Variants in PLCB3 observed in about 807,000 individuals in gnomAD.
PLCB3 encodes 1-phosphatidylinositol 4,5-bisphosphate phosphodiesterase beta-3.
PLCB3 carries 54 observed loss-of-function variants against 152.1 expected under a neutral mutation model. The observed-to-expected ratio is 0.36, with a 90% CI of 0.29 to 0.45. The LOEUF (loss-of-function observed/expected upper bound fraction) is 0.45, where lower values mean the gene tolerates loss of function less well. Ranked by LOEUF, PLCB3 falls within the 20% of genes least tolerant of loss-of-function variation. The pLI, the probability that PLCB3 is intolerant of heterozygous loss-of-function variation, is 1.00. For missense variants in PLCB3, 1,248 were observed against 1,687.5 expected (o/e 0.74, Z 4.56); for synonymous variants, 717 against 698.7 (o/e 1.03, Z -0.41).
chr11:64,261,532 C>T, intron 15 of PLCB3, 36 bp downstream of exon 15: 1 of 1,610,192 alleles, frequency 6.2e-7, no homozygotes, highest in Non-Finnish European at 8.5e-7. Context: ...GGGAGCTTGC[C>T]CAGCTCAGCC....
chr11:64,252,137 G>A (rs1345780067), intron 1 of PLCB3, among the ~76,000 whole-genome samples: 2 of 152,072 alleles, frequency 1.3e-5, no homozygotes, highest in Non-Finnish European at 2.9e-5. Flanking sequence ...AGGCTGGCTG[G>A]GGGCATCCTC....
At chr11:64,261,796 T>G in intron 16 of PLCB3, 131 bp downstream of exon 16, 1 of 1,424,840 alleles carries the variant, frequency 7.0e-7, no homozygotes, top group Non-Finnish European at 9.8e-7. Flanking sequence ...CACCCTGGCC[T>G]GGGGCTTGGG....
chr11:64,259,022 C>T, intron 12 of PLCB3, 36 bp from the exon 13 acceptor site: 3 of 1,612,582 alleles, frequency 1.9e-6, no homozygotes, highest in Non-Finnish European at 2.5e-6. Flanking sequence ...TGCTGCGGAC[C>T]CGGTCCAGGG....
At chr11:64,262,293 G>A in intron 17 of PLCB3, 114 bp from the exon 18 acceptor site, 1 of 1,390,086 alleles carries the variant, frequency 7.2e-7, no homozygotes, top group Non-Finnish European at 1.0e-6. Context: ...TGCCATTTGA[G>A]CCCGCCCCTG....
In PLCB3 at chr11:64,251,549, C is replaced by A. The variant is rs978761681; in HGVS notation, c.-101C>A. The A allele has an allele frequency of 5.8e-6, 2 of 344,598 alleles. No individual in the cohort carries two copies. The highest frequency in any genetic ancestry group is 2.2e-5 in the African/African-American group (1 of 45,240). The allele number at this position is 344,598 out of a possible 1,614,324, so 21.3% of individuals were successfully genotyped here. A position where few individuals can be genotyped will look rare whatever the true frequency, so the allele number is the denominator to read the frequency against. On this transcript the variant is annotated 5_prime_UTR_variant, in exon 1 of 31. Transcript: ENST00000279230. ...CGGGACAGACTGGCGGGCGGGCGGG[C>A]ACTGACGCCGCGGGGCCGGAGCGGG...
intron 10 of PLCB3, among the ~76,000 whole-genome samples, chr11:64,257,784 T>A (rs1257135128): frequency 6.6e-6 from 1 of 151,756 alleles, no homozygotes; most frequent in Non-Finnish European, 1.5e-5. Context: ...AAGAGGCTTT[T>A]TGGAGGGTGA....
Position 64,258,569 on chromosome 11 carries a change from C to T in PLCB3, c.1109C>T (p.Pro370Leu), listed in dbSNP as rs202112716. 1.0e-4 allele frequency: 164 copies of T among 1,613,996 alleles called. 1 individual carries two copies. In the South Asian group the frequency reaches 1.2e-3, roughly 12 times the overall value. Residue 370 changes from proline to leucine, a missense_variant, in exon 11 of 31, where the codon CCG becomes CTG. Physicochemically the swap from Pro to Leu is moderately conservative, Grantham distance 98. Around this residue, in one of 6 missense-constraint regions of PLCB3, gnomAD observed 122 missense variants for 221.8 expected, o/e 0.55. Transcript: ENST00000279230. The surrounding 1 kb of genome is among the most constrained non-coding windows in gnomAD (Gnocchi z 7.2). ...CVELDVWKGR[P>L]PEEEPFITHG... is the part of the protein sequence containing the mutation. ...GAGCTGGACGTGTGGAAGGGACGGCCGCCTGAGGAGGAACCCTTCATTACC... is the reference window on the plus strand; with the variant it reads ...GAGCTGGACGTGTGGAAGGGACGGCTGCCTGAGGAGGAACCCTTCATTACC...
chr11:64,251,791 T>C, intron 1 of PLCB3, 43 bp downstream of exon 1: 1 of 1,169,974 alleles, frequency 8.5e-7, no homozygotes, highest in Non-Finnish European at 1.1e-6. Flanking sequence ...CCGGGACTCT[T>C]TCAGTCAAGC....
At position 64,258,279 on chromosome 11, in the gene PLCB3, G is replaced by A. The variant is rs2031646627; in HGVS notation, c.1013-194G>A. 6.6e-6 allele frequency among the ~76,000 whole-genome samples: 1 copy of A among 152,150 alleles called. No individual in the cohort carries two copies. Among genetic ancestry groups the A allele is most frequent in the South Asian group, 2.1e-4 (1 of 4,824 alleles). The stretch of plus-strand genomic sequence containing the variant: ...AGTGAGGAGAGGGAGGGATTGTTGA[G>A]GCAGTGGGGAGCTATAGTGAGTCTC... On this transcript the variant is annotated intron_variant, in intron 10 of 30. Coordinates refer to ENST00000279230, the MANE Select transcript of PLCB3 (RefSeq NM_000932.5). The surrounding 1 kb of genome is among the most constrained non-coding windows in gnomAD (Gnocchi z 7.2).
Position 64,263,521 on chromosome 11 carries a change from A to C in PLCB3, c.2379A>C (p.Ser793=), listed in dbSNP as rs1186725135. ...FPKVVLPTLA[S]LRIAAFEEGG... is the part of the protein sequence containing the mutation. ...AGGTGGTGCTGCCCACGCTGGCTTC[A>C]CTTCGCATTGCAGCCTTTGAGGAGG... The change falls in exon 20 of 31, where the codon TCA becomes TCC. Residue 793 remains serine, a synonymous_variant. Transcript: ENST00000279230. The C allele has an allele frequency of 6.4e-7, 1 of 1,569,428 alleles. No homozygotes were observed. Among genetic ancestry groups the C allele is most frequent in the Non-Finnish European group, 8.6e-7 (1 of 1,157,580 alleles).
At chr11:64,265,169 CT>C in intron 23 of PLCB3, 22 bp from the exon 24 acceptor site, 1 of 1,583,664 alleles carries the variant, frequency 6.3e-7, no homozygotes, top group East Asian at 2.3e-5. Flanking sequence ...CCTCCAGCTC[CT>C]CACAGGGCCT....
intron 1 of PLCB3, among the ~76,000 whole-genome samples, chr11:64,253,505 A>T: frequency 6.6e-6 from 1 of 152,292 alleles, no homozygotes; most frequent in African/African-American, 2.4e-5. Flanking sequence ...AGACACTGAG[A>T]TGCATTTTGG....
At position 64,266,424 on chromosome 11, in the gene PLCB3, G is replaced by A. The variant is rs751125017; in HGVS notation, c.3356+20G>A. ...GGAGGCGTAAGGGCACCGGGACCGG[G>A]GGCCATCTGGGTACTGGGGAGGCAG... On this transcript the variant is annotated intron_variant, in intron 28 of 30. Transcript: ENST00000279230. The surrounding 1 kb of genome is among the most constrained non-coding windows in gnomAD (Gnocchi z 4.9). The A allele has an allele frequency of 1.6e-5, 26 of 1,600,400 alleles. No individual in the cohort carries two copies. Among genetic ancestry groups the A allele is most frequent in the Non-Finnish European group, 2.1e-5 (25 of 1,167,934 alleles).
rs1460812056 is a variant in PLCB3 at position 64,255,291 on chromosome 11, C to T, written c.445C>T (p.Arg149Trp). Residue 149 changes from arginine (R) to tryptophan (W), a missense_variant, in exon 5 of 31, where the codon CGG becomes TGG. Transcript: ENST00000279230. This position sits in a 1 kb window ranked among gnomAD's most constrained non-coding sequence, Gnocchi z 6.8. Reference sequence around the variant, plus strand: ...GAACATCCTGGCTCAGAACGCCTCCCGGAACACCTTCCTGCGCAAAGCGTG... The same window carrying T: ...GAACATCCTGGCTCAGAACGCCTCCTGGAACACCTTCCTGCGCAAAGCGTG... ...AMNILAQNAS[R>W]NTFLRKAYTK... 4.3e-6 allele frequency: 7 copies of T among 1,613,900 alleles called. No homozygotes were observed. Among genetic ancestry groups the T allele is most frequent in the East Asian group, 2.2e-5 (1 of 44,872 alleles).
intron 19 of PLCB3, 111 bp from the exon 20 acceptor site, chr11:64,263,387 G>C: frequency 1.5e-6 from 1 of 665,372 alleles, no homozygotes; most frequent in Non-Finnish European, 2.6e-6. Flanking sequence ...CAGTAGGTCA[G>C]CTCGTCTGAA....
intron 16 of PLCB3, 94 bp downstream of exon 16, chr11:64,261,759 G>T (rs1420466051): frequency 2.1e-5 from 30 of 1,422,990 alleles, no homozygotes; most frequent in Non-Finnish European, 2.7e-5. Flanking sequence ...ACCTGCACAG[G>T]GTGCTGGCCC....
intron 13 of PLCB3, among the ~76,000 whole-genome samples, 162 bp downstream of exon 13, chr11:64,259,406 G>A (rs2031726916): frequency 6.6e-6 from 1 of 152,058 alleles, no homozygotes; most frequent in South Asian, 2.1e-4. Context: ...CGGCTGGTGT[G>A]GGGCCTCTGA....
intron 1 of PLCB3, among the ~76,000 whole-genome samples, chr11:64,252,642 A>G (rs2031279662): frequency 6.7e-6 from 1 of 150,356 alleles, no homozygotes; most frequent in African/African-American, 2.5e-5. Context: ...TGGGGGGAGG[A>G]GATGGGGGCG....
At chr11:64,265,784 T>A in intron 25 of PLCB3, 102 bp from the exon 26 acceptor site, 1 of 1,429,896 alleles carries the variant, frequency 7.0e-7, no homozygotes, top group Non-Finnish European at 9.5e-7. Context: ...CCCCATGGGA[T>A]GGTGTCTGCC....
Sources: allele counts gnomAD v4.1 joint callset (sites outside exome capture counted in the v4.1 genomes callset), GRCh38; gene constraint gnomAD v4.1.1; regional missense constraint gnomAD v4.1.1; non-coding constraint Gnocchi (gnomAD v3.1); transcripts MANE v1.5; gene names NCBI Gene and HGNC (gene_info 2026-07-23, HGNC 2026-07-21).